The following ING5 variants were observed in gnomAD, a reference collection of about 807,000 sequenced individuals.
ING5 encodes inhibitor of growth protein 5.
Under a neutral mutation model 37.4 loss-of-function variants are expected in ING5, and 17 were observed. The observed-to-expected ratio is 0.45, with a 90% CI of 0.31 to 0.68. The LOEUF (loss-of-function observed/expected upper bound fraction) is 0.68, where lower values mean the gene tolerates loss of function less well. ING5 is among the 30% of genes least tolerant of loss of function. The pLI is 0.05. For synonymous variants in ING5, 123 were observed against 116.6 expected (o/e 1.06, Z -0.36); for missense variants, 233 against 311.9 (o/e 0.75, Z 1.91).
chr2:241,690,317 C>T (rs1339229750), exon 2 of ING5: 7 of 310,290 alleles, frequency 2.3e-5, no homozygotes, highest in Middle Eastern at 8.2e-4. Flanking sequence ...TAGCAGAATA[C>T]CAGCCAGCCT....
chr2:241,724,108 C>T lies in ING5; in HGVS notation c.680+837C>T, dbSNP rs1177228822. The T allele has an allele frequency of 5.5e-6, 7 of 1,279,528 alleles. No individual in the cohort carries two copies. The African/African-American group carries it at 1.1e-4, about 19-fold the overall frequency. The allele number at this position is 1,279,528 out of a possible 1,614,324, so 79.3% of individuals were successfully genotyped here. A position where few individuals can be genotyped will look rare whatever the true frequency, so the allele number is the denominator to read the frequency against. On this transcript the variant is annotated intron_variant, in intron 7 of 7. Transcript: ENST00000313552. ...TCTGAAAATGAAATCGGAATGTGCT[C>T]TTCTGTGTGGCACTCAGAGGTCATC...
At chr2:241,712,187 T>A in intron 5 of ING5, 116 bp downstream of exon 5, 1 of 845,816 alleles carries the variant, frequency 1.2e-6, no homozygotes, top group Non-Finnish European at 1.8e-6. Flanking sequence ...TGCCGGGTGG[T>A]ATTCTGATTC....
chr2:241,718,307 T>G (rs1308448252), intron 5 of ING5, among the ~76,000 whole-genome samples: 1 of 146,052 alleles, frequency 6.8e-6, no homozygotes, highest in African/African-American at 2.6e-5. Context: ...CTTCCTTCCT[T>G]TCTTCTTTCC....
Position 241,709,216 on chromosome 2 carries a change from A to G in ING5, c.110A>G (p.Asp37Gly). The change falls in exon 3 of 8, where the codon GAT becomes GGT. Residue 37 changes from aspartate to glycine, a missense_variant and splice_region_variant. Asp to Gly is a moderately conservative substitution (Grantham distance 94). Transcript: ENST00000313552. Reference sequence around the variant, plus strand: ...AGCTTTTCCCCCATTTCTCCATCAGATAAGAAAGCAGAGATTGACATCCTG... The same window carrying G: ...AGCTTTTCCCCCATTTCTCCATCAGGTAAGAAAGCAGAGATTGACATCCTG... Reference protein sequence around the residue: ...LMRELDQRTEDKKAEIDILAA... With the variant: ...LMRELDQRTEGKKAEIDILAA... The G allele has an allele frequency of 1.2e-6, 2 of 1,609,296 alleles. No homozygotes were observed. The highest frequency in any genetic ancestry group is 1.7e-6 in the Non-Finnish European group (2 of 1,177,136).
intron 2 of ING5, among the ~76,000 whole-genome samples, chr2:241,696,413 A>C (rs1245337171): frequency 2.0e-5 from 3 of 151,180 alleles, no homozygotes; most frequent in Non-Finnish European, 4.4e-5. Flanking sequence ...AAAAACAAAA[A>C]CCCCCCAAAA....
Position 241,702,052 on chromosome 2 carries a change from G to A in ING5, c.-14G>A, listed in dbSNP as rs766486586. ...GCCCGCCCGCGCAGACCCCGAGCGC[G>A]GCCGCGGACGAAGATGGCGACCGCC... On this transcript the variant is annotated 5_prime_UTR_variant, in exon 1 of 8. Transcript: ENST00000313552. 4.7e-4 allele frequency: 650 copies of A among 1,385,174 alleles called. 7 individuals carry two copies. Among genetic ancestry groups the A allele is most frequent in the Middle Eastern group, 1.9e-4 (1 of 5,296 alleles). The allele number at this position is 1,385,174 out of a possible 1,614,324, so 85.8% of individuals were successfully genotyped here.
chr2:241,720,050 C>A, intron 5 of ING5: 19 of 1,240,854 alleles, frequency 1.5e-5, no homozygotes, highest in Non-Finnish European at 1.9e-5. Context: ...TGGGCTCTGA[C>A]GTCCAAGGCG....
At chr2:241,692,133 C>T (rs145739634) in intron 2 of ING5, among the ~76,000 whole-genome samples, 2,649 of 152,172 alleles carry the variant, frequency 0.017, 30 homozygotes, top group Non-Finnish European at 0.026. Flanking sequence ...ATGGAATAAC[C>T]GAGCTTGCAG....
At chr2:241,704,281 C>T (rs2069833514) in intron 1 of ING5, among the ~76,000 whole-genome samples, 1 of 152,142 alleles carries the variant, frequency 6.6e-6, no homozygotes, top group African/African-American at 2.4e-5. Flanking sequence ...AAGTATAAAA[C>T]TTTTGGCCAG....
At chr2:241,712,147 GAA>G (rs2070130117) in intron 5 of ING5, 76 bp downstream of exon 5, 4 of 1,201,542 alleles carry the variant, frequency 3.3e-6, no homozygotes, top group Non-Finnish European at 4.7e-6. Context: ...AACACTGATG[GAA>G]GCTGACCCGA....
intron 5 of ING5, chr2:241,720,618 G>T: frequency 1.0e-6 from 1 of 985,870 alleles, no homozygotes; most frequent in Non-Finnish European, 1.2e-6. Context: ...CCAGCCCCCT[G>T]CTAGGAGCCA....
At chr2:241,720,194 C>T in intron 5 of ING5, 1 of 1,234,566 alleles carries the variant, frequency 8.1e-7, no homozygotes, top group Non-Finnish European at 1.0e-6. Context: ...CCAAGGGCAT[C>T]ATCCTGGGTG....
At chr2:241,719,628 G>C (rs2124942637) in intron 5 of ING5, 1 of 1,535,826 alleles carries the variant, frequency 6.5e-7, no homozygotes, top group Middle Eastern at 1.7e-4. Flanking sequence ...CTAGGCATAA[G>C]GAATGCAGGC....
intron 5 of ING5, among the ~76,000 whole-genome samples, chr2:241,712,909 C>A (rs1236375666): frequency 6.6e-6 from 1 of 151,682 alleles, no homozygotes; most frequent in Non-Finnish European, 1.5e-5. Context: ...GGGCTGTAGT[C>A]CCAGCTACTA....
chr2:241,699,542 A>G (rs540875589), upstream of ING5, among the ~76,000 whole-genome samples: 4 of 152,144 alleles, frequency 2.6e-5, no homozygotes, highest in South Asian at 8.3e-4. Context: ...TCTCATGGTG[A>G]TCATACGGAT....
At chr2:241,690,977 T>G (rs1183462705) in intron 2 of ING5, among the ~76,000 whole-genome samples, 1 of 151,260 alleles carries the variant, frequency 6.6e-6, no homozygotes, top group Admixed American at 6.6e-5. Context: ...CCGGCTAATT[T>G]TTTGTATTTT....
At chr2:241,717,733 C>G (rs1338135676) in intron 5 of ING5, among the ~76,000 whole-genome samples, 1 of 149,988 alleles carries the variant, frequency 6.7e-6, no homozygotes, top group East Asian at 1.9e-4. Flanking sequence ...CTCATTGTCA[C>G]TGGCTCTTAA....
At chr2:241,689,272 C>T (rs919207366) in intron 1 of ING5, among the ~76,000 whole-genome samples, 1 of 151,912 alleles carries the variant, frequency 6.6e-6, no homozygotes, top group Non-Finnish European at 1.5e-5. Context: ...GCCACCACGC[C>T]CAGCTAATTT....
At position 241,702,074 on chromosome 2, in the gene ING5, C is replaced by T. The variant is rs753894716; in HGVS notation, c.9C>T (p.Thr3=). MA[T]AMYLEHYLDS... ...CGCGGCCGCGGACGAAGATGGCGAC[C>T]GCCATGTACTTGGAGCACTATCTGG... Residue 3 remains threonine, a synonymous_variant, in exon 1 of 8, where the codon ACC becomes ACT. Transcript: ENST00000313552. The T allele has an allele frequency of 6.8e-5, 95 of 1,388,352 alleles. No homozygotes were observed. The highest frequency in any genetic ancestry group is 8.3e-5 in the Non-Finnish European group (88 of 1,065,880). 86.0% of individuals were successfully genotyped at this position (1,388,352 alleles called of 1,614,324 possible). A position where few individuals can be genotyped will look rare whatever the true frequency, so the allele number is the denominator to read the frequency against.
Sources: allele counts gnomAD v4.1 joint callset (sites outside exome capture counted in the v4.1 genomes callset), GRCh38; gene constraint gnomAD v4.1.1; transcripts MANE v1.5; gene names NCBI Gene and HGNC (gene_info 2026-07-23, HGNC 2026-07-21).